The following TPO variants were observed in gnomAD, a reference collection of about 807,000 sequenced individuals.
TPO encodes thyroid microsomal antigen.
In TPO, 78 loss-of-function variants were observed where a neutral mutation model predicts 96.9. The ratio of observed to expected loss-of-function variants is 0.81; its 90% CI spans 0.67 to 0.97. The LOEUF (loss-of-function observed/expected upper bound fraction) is 0.97. TPO is among the 50% of genes least tolerant of loss of function. The probability of loss-of-function intolerance (pLI) is 0.00; values close to 1 mark genes in which losing one functional copy is unlikely to be tolerated. For synonymous variants in TPO, 547 were observed against 538.0 expected, an observed-to-expected ratio of 1.02 and a Z score of -0.23; for missense variants, 1,252 against 1,274.8, an observed-to-expected ratio of 0.98 and a Z score of 0.27.
upstream of TPO, among the ~76,000 whole-genome samples, chr2:1,409,568 AC>A (rs923519102): frequency 6.6e-6 from 1 of 152,112 alleles, no homozygotes; most frequent in Non-Finnish European, 1.5e-5. Context: ...CAGCACAGCA[AC>A]CAGGACCAGG....
chr2:1,492,077 G>A (rs1422136711), intron 10 of TPO, among the ~76,000 whole-genome samples: 1 of 152,210 alleles, frequency 6.6e-6, no homozygotes, highest in African/African-American at 2.4e-5. Flanking sequence ...TCCTCCTGAG[G>A]GTGAACCAGG....
chr2:1,476,123 G>T (rs970456267), intron 7 of TPO, among the ~76,000 whole-genome samples: 12 of 152,208 alleles, frequency 7.9e-5, no homozygotes, highest in African/African-American at 2.9e-4. Flanking sequence ...GCTGCACTTT[G>T]CCCCGAGAGG....
chr2:1,388,125 G>C (rs995078953), intron 1 of TPO, among the ~76,000 whole-genome samples: 2 of 152,316 alleles, frequency 1.3e-5, no homozygotes, highest in East Asian at 3.9e-4. Flanking sequence ...CCCCTACTCG[G>C]GGGTGCCTCC....
chr2:1,422,953 C>G, intron 2 of TPO, 92 bp from the exon 3 acceptor site: 1 of 1,431,824 alleles, frequency 7.0e-7, no homozygotes, highest in Middle Eastern at 1.8e-4. Flanking sequence ...TGGGCATCAC[C>G]GCAGCAAGAT....
Position 1,503,979 on chromosome 2 carries a change from C to A in TPO, c.2418C>A (p.Pro806=). ...DVNECADGAH[P]PCHASARCRN... is the part of the protein sequence containing the mutation. ...ACGAGTGTGCAGACGGTGCCCACCCCCCCTGCCACGCCTCTGCGAGGTGCA... is the reference window on the plus strand; with the variant it reads ...ACGAGTGTGCAGACGGTGCCCACCCACCCTGCCACGCCTCTGCGAGGTGCA... Residue 806 remains proline, a synonymous_variant, in exon 14 of 17, where the codon CCC becomes CCA. Coordinates refer to ENST00000329066, the MANE Select transcript of TPO (RefSeq NM_001206744.2). 6.2e-7 allele frequency: 1 copy of A among 1,614,176 alleles called. No homozygotes were observed. Among genetic ancestry groups the A allele is most frequent in the Non-Finnish European group, 8.5e-7 (1 of 1,180,018 alleles).
intron 7 of TPO, among the ~76,000 whole-genome samples, chr2:1,460,027 C>T (rs1249867743): frequency 6.6e-6 from 1 of 151,948 alleles, no homozygotes; most frequent in Non-Finnish European, 1.5e-5. Flanking sequence ...CCTCCGCCTC[C>T]CGGATATAAG....
chr2:1,399,683 C>T (rs1662134877), intron 1 of TPO, among the ~76,000 whole-genome samples: 1 of 152,222 alleles, frequency 6.6e-6, no homozygotes, highest in Non-Finnish European at 1.5e-5. Context: ...CTCTGCAGAT[C>T]TCCAGTGCCT....
intron 14 of TPO, among the ~76,000 whole-genome samples, chr2:1,510,076 T>C (rs1312130243): frequency 1.3e-5 from 2 of 152,192 alleles, no homozygotes; most frequent in Admixed American, 1.3e-4. Context: ...ATTCATGTTT[T>C]TTCTCCATAT....
At chr2:1,450,070 C>T (rs1029756871) in intron 5 of TPO, among the ~76,000 whole-genome samples, 3 of 152,276 alleles carry the variant, frequency 2.0e-5, no homozygotes, top group South Asian at 2.1e-4. Flanking sequence ...TCCCGTGTCC[C>T]GCTGCTGCCC....
intron 14 of TPO, among the ~76,000 whole-genome samples, chr2:1,512,638 C>T (rs932892067): frequency 6.6e-6 from 1 of 152,220 alleles, no homozygotes; most frequent in Non-Finnish European, 1.5e-5. Flanking sequence ...TGGCTGCCTC[C>T]GAGGAGCTTC....
chr2:1,404,815 T>C (rs1662224451), intron 1 of TPO, among the ~76,000 whole-genome samples: 1 of 152,236 alleles, frequency 6.6e-6, no homozygotes, highest in South Asian at 2.1e-4. Flanking sequence ...TTCTATTAAA[T>C]CATTCTATTG....
At chr2:1,509,638 T>C (rs1673863525) in intron 14 of TPO, among the ~76,000 whole-genome samples, 1 of 144,132 alleles carries the variant, frequency 6.9e-6, no homozygotes, top group South Asian at 2.3e-4. Context: ...CACCCCACCC[T>C]CTTCTTTCAG....
intron 1 of TPO, among the ~76,000 whole-genome samples, chr2:1,386,159 C>A (rs1006271885): frequency 4.6e-5 from 7 of 151,848 alleles, no homozygotes; most frequent in African/African-American, 1.5e-4. Flanking sequence ...GGAATAGGTG[C>A]GGGTGTGGTG....
chr2:1,389,099 T>A (rs546428711), intron 1 of TPO, among the ~76,000 whole-genome samples: 3 of 152,308 alleles, frequency 2.0e-5, no homozygotes, highest in South Asian at 4.1e-4. Context: ...AATAAACTTT[T>A]GACAAAGCTG....
chr2:1,424,382 G>A (rs1664105424), intron 3 of TPO, among the ~76,000 whole-genome samples: 1 of 152,196 alleles, frequency 6.6e-6, no homozygotes, highest in Non-Finnish European at 1.5e-5. Context: ...GTTGATGCTG[G>A]AGGGGTAGAA....
chr2:1,471,029 T>C (rs982466554), intron 7 of TPO, among the ~76,000 whole-genome samples: 1 of 152,238 alleles, frequency 6.6e-6, no homozygotes, highest in Non-Finnish European at 1.5e-5. Context: ...TCTCTCTTCA[T>C]AAGCAGAGTT....
intron 15 of TPO, among the ~76,000 whole-genome samples, chr2:1,527,491 G>A (rs1171853914): frequency 2.1e-5 from 3 of 140,630 alleles, no homozygotes; most frequent in Admixed American, 7.3e-5. Context: ...CCCCATCTGT[G>A]TGCGACCTCC....
chr2:1,407,898 GA>G (rs1553293587), intron 1 of TPO, among the ~76,000 whole-genome samples: 1 of 152,192 alleles, frequency 6.6e-6, no homozygotes, highest in Non-Finnish European at 1.5e-5. Flanking sequence ...CAAATGCAAA[GA>G]ATTCAGATCT....
At chr2:1,516,351 C>A (rs1674705674) in intron 14 of TPO, among the ~76,000 whole-genome samples, 1 of 152,236 alleles carries the variant, frequency 6.6e-6, no homozygotes, top group Non-Finnish European at 1.5e-5. Flanking sequence ...CCCGTCCCCC[C>A]AGGGCTCCAG....
Sources: allele counts gnomAD v4.1 joint callset (sites outside exome capture counted in the v4.1 genomes callset), GRCh38; gene constraint gnomAD v4.1.1; transcripts MANE v1.5; gene names NCBI Gene and HGNC (gene_info 2026-07-23, HGNC 2026-07-21).